Variants in IMPA1 observed in about 807,000 individuals in gnomAD.
The protein encoded by IMPA1 is D-galactose 1-phosphate phosphatase.
IMPA1 carries 21 observed loss-of-function variants against 34.9 expected under a neutral mutation model. The ratio of observed to expected loss-of-function variants is 0.60; its 90% CI spans 0.43 to 0.87. The LOEUF (loss-of-function observed/expected upper bound fraction) is 0.87. Ranked by LOEUF, IMPA1 falls within the 40% of genes least tolerant of loss-of-function variation. The pLI, the probability that IMPA1 is intolerant of heterozygous loss-of-function variation, is 0.00. For missense variants in IMPA1, 299 were observed against 336.4 expected, an observed-to-expected ratio of 0.89 and a Z score of 0.87; for synonymous variants, 95 against 104.4, an observed-to-expected ratio of 0.91 and a Z score of 0.55.
At position 81,673,873 on chromosome 8, in the gene IMPA1, T is replaced by C; in HGVS notation, c.425A>G (p.Asn142Ser). 6 of 1,612,098 alleles carry C rather than the reference T, an allele frequency of 3.7e-6. No homozygotes were observed. The highest frequency in any genetic ancestry group is 1.3e-5 in the African/African-American group (1 of 74,998). ...TARKGKGAFC[N>S]GQKLQVSQQE... ...TTGTGAAACTTGTAGTTTTTGACCA[T>C]TACAAAAGGCACCTTTTCCTTTTCT... Residue 142 changes from asparagine (N) to serine (S), a missense_variant, in exon 6 of 9, where the codon AAT (asparagine) becomes AGT (serine). Asn to Ser is a conservative substitution (Grantham distance 46). Coordinates refer to ENST00000256108, the MANE Select transcript of IMPA1 (RefSeq NM_005536.4).
chr8:81,665,180 A>G (rs1173724421), intron 7 of IMPA1, among the ~76,000 whole-genome samples: 1 of 152,220 alleles, frequency 6.6e-6, no homozygotes, highest in Non-Finnish European at 1.5e-5. Context: ...CAAAACCAAC[A>G]ATGAAGGGGA....
At position 81,673,876 on chromosome 8, in the gene IMPA1, C is replaced by A; in HGVS notation, c.422G>T (p.Cys141Phe). 2 of 1,612,488 alleles carry A rather than the reference C, an allele frequency of 1.2e-6. No individual in the cohort carries two copies. Among genetic ancestry groups the A allele is most frequent in the South Asian group, 1.1e-5 (1 of 91,046 alleles). ...TGAAACTTGTAGTTTTTGACCATTA[C>A]AAAAGGCACCTTTTCCTTTTCTGGC... ...YTARKGKGAF[C>F]NGQKLQVSQQ... The change falls in exon 6 of 9, where the codon TGT (cysteine) becomes TTT (phenylalanine). Residue 141 changes from cysteine (C) to phenylalanine (F), a missense_variant. Physicochemically the swap from Cys to Phe is radical, Grantham distance 205. Coordinates refer to ENST00000256108, the MANE Select transcript of IMPA1 (RefSeq NM_005536.4).
At chr8:81,681,766 T>C (rs1390168509) in intron 1 of IMPA1, among the ~76,000 whole-genome samples, 182 bp from the exon 2 acceptor site, 1 of 152,198 alleles carries the variant, frequency 6.6e-6, no homozygotes, top group Admixed American at 6.5e-5. Flanking sequence ...AATTTCTATA[T>C]CAAATTATTT....
intron 1 of IMPA1, among the ~76,000 whole-genome samples, chr8:81,684,221 T>C (rs1380906323): frequency 6.8e-6 from 1 of 146,412 alleles, no homozygotes; most frequent in East Asian, 2.0e-4. Flanking sequence ...AGATACTATA[T>C]ATAGTATATA....
chr8:81,668,836 G>A (rs1452690268), intron 7 of IMPA1, among the ~76,000 whole-genome samples: 1 of 152,082 alleles, frequency 6.6e-6, no homozygotes, highest in African/African-American at 2.4e-5. Flanking sequence ...CCCTTTACAG[G>A]CCCAAAGGAG....
In IMPA1 at chr8:81,662,933, C is replaced by T. The variant is rs150896047; in HGVS notation, c.567-2266G>A. On this transcript the variant is annotated intron_variant, in intron 7 of 8. Transcript: ENST00000256108. ...CCTCATAAATGTTGGTTCTTAGGAA[C>T]CTATTAGACTATTTCTGCTTATTTA... 3.3e-5 allele frequency among the ~76,000 whole-genome samples: 5 copies of T among 152,208 alleles called. No homozygotes were observed. In the East Asian group the frequency reaches 9.7e-4, roughly 29 times the overall value.
chr8:81,665,343 TG>T (rs570631389), intron 7 of IMPA1, among the ~76,000 whole-genome samples: 19 of 151,046 alleles, frequency 1.3e-4, no homozygotes, highest in African/African-American at 4.6e-4. Context: ...AGGAAAGAAA[TG>T]GGGGGGAAAT....
Position 81,657,607 on chromosome 8 carries a change from C to A in IMPA1, c.*1744G>T, listed in dbSNP as rs190327196. Among the ~76,000 whole-genome samples the A allele has an allele frequency of 2.7e-4, 41 of 151,596 alleles. 1 individual carries two copies. The highest frequency in any genetic ancestry group is 1.6e-3 in the Admixed American group (24 of 15,158). Reference sequence around the variant, plus strand: ...AAAAAACAAAAACAAAACAAAGCCTCTAAAAGTAGTTTGAACTATTAACTT... The same window carrying A: ...AAAAAACAAAAACAAAACAAAGCCTATAAAAGTAGTTTGAACTATTAACTT... On this transcript the variant is annotated 3_prime_UTR_variant, in exon 9 of 9. Coordinates refer to ENST00000256108, the MANE Select transcript of IMPA1 (RefSeq NM_005536.4).
chr8:81,680,932 A>T, intron 2 of IMPA1, 149 bp from the exon 3 acceptor site: 1 of 638,228 alleles, frequency 1.6e-6, no homozygotes, highest in Non-Finnish European at 2.6e-6. Flanking sequence ...TCTATAAAAT[A>T]AGCCTTTAAT....
intron 7 of IMPA1, among the ~76,000 whole-genome samples, chr8:81,665,839 G>A (rs1806803838): frequency 6.6e-6 from 1 of 152,162 alleles, no homozygotes; most frequent in South Asian, 2.1e-4. Flanking sequence ...CTTTCATTAA[G>A]GATACTATAT....
At chr8:81,663,503 C>T (rs1335619305) in intron 7 of IMPA1, among the ~76,000 whole-genome samples, 2 of 152,120 alleles carry the variant, frequency 1.3e-5, no homozygotes, top group African/African-American at 2.4e-5. Flanking sequence ...TCCAGCTGTG[C>T]GATCTCAAGC....
Position 81,679,271 on chromosome 8 carries a change from T to A in IMPA1, c.198-41A>T, listed in dbSNP as rs144865549. 42 of 1,225,632 alleles carry A rather than the reference T, an allele frequency of 3.4e-5. No homozygotes were observed. The African/African-American group carries it at 5.3e-4, about 16-fold the overall frequency. 75.9% of individuals were successfully genotyped at this position (1,225,632 alleles called of 1,614,324 possible). On this transcript the variant is annotated intron_variant, in intron 3 of 8. Transcript: ENST00000256108. Reference sequence around the variant, plus strand: ...GACAAACTCTTAATCTTTACACTGATTTCAACAATTTCCAAATCATAACAT... The same window carrying A: ...GACAAACTCTTAATCTTTACACTGAATTCAACAATTTCCAAATCATAACAT...
Position 81,660,631 on chromosome 8 carries a change from G to C in IMPA1, c.603C>G (p.Cys201Trp). 1 of 1,612,822 alleles carries C rather than the reference G, an allele frequency of 6.2e-7. No individual in the cohort carries two copies. The highest frequency in any genetic ancestry group is 8.5e-7 in the Non-Finnish European group (1 of 1,179,098). The change falls in exon 8 of 9, where the codon TGC becomes TGG. Residue 201 changes from cysteine (C) to tryptophan (W), a missense_variant. Transcript: ENST00000256108. ...CATCTGCTCCGCCAGTTGCCACAAG[G>C]CACATATTAACAGCTGCTGTTCCAA... ...RSVGTAAVNM[C>W]LVATGGADAY...
At chr8:81,670,869 G>GA (rs527585633) in intron 7 of IMPA1, 70 bp downstream of exon 7, 7,917 of 584,630 alleles carry the variant, frequency 0.014, 1 homozygote, top group East Asian at 0.019. Flanking sequence ...AATGGTACAG[G>GA]AAAAAAAAAA....
At chr8:81,674,811 G>A (rs1033445375) in intron 5 of IMPA1, 2 of 455,160 alleles carry the variant, frequency 4.4e-6, no homozygotes, top group Non-Finnish European at 8.8e-6. Context: ...ATAATCGGGG[G>A]AAGAACCTAC....
chr8:81,672,786 T>G (rs1397506211), intron 6 of IMPA1, among the ~76,000 whole-genome samples: 1 of 152,226 alleles, frequency 6.6e-6, no homozygotes, highest in African/African-American at 2.4e-5. Context: ...AAAATATATA[T>G]GTCTCATTTT....
At chr8:81,686,068 T>G in intron 1 of IMPA1, 184 bp downstream of exon 1, 1 of 1,039,526 alleles carries the variant, frequency 9.6e-7, no homozygotes, top group Non-Finnish European at 1.3e-6. Context: ...GCCGGAACTG[T>G]TCCCGGTCGC....
intron 4 of IMPA1, 105 bp downstream of exon 4, chr8:81,679,021 C>T (rs999449336): frequency 8.9e-6 from 6 of 672,112 alleles, no homozygotes; most frequent in Non-Finnish European, 1.3e-5. Context: ...GAAGCATAAA[C>T]GAAGTATACA....
At chr8:81,676,161 T>C (rs780899317) in intron 5 of IMPA1, 73 bp downstream of exon 5, 3 of 607,134 alleles carry the variant, frequency 4.9e-6, no homozygotes, top group East Asian at 3.2e-5. Flanking sequence ...GAATTTATTA[T>C]GAAAACACAT....
Sources: allele counts gnomAD v4.1 joint callset (sites outside exome capture counted in the v4.1 genomes callset), GRCh38; gene constraint gnomAD v4.1.1; transcripts MANE v1.5; gene names NCBI Gene and HGNC (gene_info 2026-07-23, HGNC 2026-07-21).